ARHGEF10: variants seen among roughly 807,000 people sequenced by gnomAD.
ARHGEF10 encodes the protein Rho guanine nucleotide exchange factor 10, also known as Rho guanine nucleotide exchange factor (GEF) 10.
Under a neutral mutation model 147.4 loss-of-function variants are expected in ARHGEF10, and 140 were observed. The observed-to-expected ratio is 0.95, with a 90% CI of 0.83 to 1.09. The LOEUF is 1.09. ARHGEF10 is among the 50% of genes least tolerant of loss of function. ARHGEF10 has a pLI of 0.00. For synonymous variants in ARHGEF10, 902 were observed against 695.8 expected, an observed-to-expected ratio of 1.30 and a Z score of -4.67; for missense variants, 2,222 against 1,752.7, an observed-to-expected ratio of 1.27 and a Z score of -4.78.
chr8:1,893,781 C>G (rs866998037), intron 12 of ARHGEF10, 135 bp downstream of exon 12: 10 of 689,302 alleles, frequency 1.5e-5, no homozygotes, highest in Non-Finnish European at 2.1e-5. Context: ...TCAAAAGGAT[C>G]TAAGTATTAT....
Position 1,909,297 on chromosome 8 carries a change from CCT to C in ARHGEF10, c.1974_1975del (p.His659Ter). The C allele has an allele frequency of 6.2e-7, 1 of 1,614,222 alleles. No individual in the cohort carries two copies. Among genetic ancestry groups the C allele is most frequent in the Non-Finnish European group, 8.5e-7 (1 of 1,180,042 alleles). On this transcript the variant is annotated frameshift_variant, in exon 18 of 29. Coordinates refer to ENST00000349830, the MANE Select transcript of ARHGEF10 (RefSeq NM_014629.4). LOFTEE classifies it high-confidence loss of function. ...CAAGGATCTTTTGGTCGTTTCAGCC[CCT>C]CTCATGACAGCCGTGTGATGAGCAG...
At chr8:1,865,892 G>C (rs11986360) in intron 5 of ARHGEF10, among the ~76,000 whole-genome samples, 76,638 of 152,068 alleles carry the variant, frequency 0.5, 19,424 homozygotes, top group East Asian at 0.63. Flanking sequence ...CTGATCCCTG[G>C]TGCATCTCAT....
intron 1 of ARHGEF10, among the ~76,000 whole-genome samples, chr8:1,830,425 A>G (rs1014073851): frequency 1.3e-5 from 2 of 152,186 alleles, no homozygotes; most frequent in African/African-American, 4.8e-5. Flanking sequence ...CTGTTGGCTT[A>G]GGTTTAGTGC....
At chr8:1,845,426 A>G (rs1762658156) in intron 2 of ARHGEF10, among the ~76,000 whole-genome samples, 2 of 152,170 alleles carry the variant, frequency 1.3e-5, no homozygotes, top group Non-Finnish European at 2.9e-5. Flanking sequence ...TCCCACACAC[A>G]TGTAAGATGG....
chr8:1,919,134 G>T (rs576173945), intron 18 of ARHGEF10, among the ~76,000 whole-genome samples: 1 of 148,134 alleles, frequency 6.8e-6, no homozygotes, highest in East Asian at 2.1e-4. Flanking sequence ...TGATGGAGCT[G>T]TTCCATGGGT....
intron 1 of ARHGEF10, among the ~76,000 whole-genome samples, chr8:1,829,021 G>T (rs1802930541): frequency 6.6e-6 from 1 of 152,244 alleles, no homozygotes. Flanking sequence ...GTATCTGAGC[G>T]GACACGGACG....
intron 4 of ARHGEF10, among the ~76,000 whole-genome samples, chr8:1,862,813 C>T (rs1230712966): frequency 1.5e-5 from 2 of 137,712 alleles, no homozygotes; most frequent in Non-Finnish European, 3.0e-5. Flanking sequence ...GAGTCTCGCT[C>T]TGTCGCTCAG....
At chr8:1,884,910 G>C (rs1442078765) in intron 10 of ARHGEF10, among the ~76,000 whole-genome samples, 1 of 152,114 alleles carries the variant, frequency 6.6e-6, no homozygotes, top group Non-Finnish European at 1.5e-5. Context: ...GAGTACAGGT[G>C]CTCACAACCA....
chr8:1,863,261 C>T (rs566520104), intron 4 of ARHGEF10, among the ~76,000 whole-genome samples: 1 of 152,284 alleles, frequency 6.6e-6, no homozygotes, highest in South Asian at 2.1e-4. Flanking sequence ...CCCGCAGATC[C>T]ACCCCCCCAG....
At chr8:1,932,734 A>C (rs1356916488) in intron 25 of ARHGEF10, among the ~76,000 whole-genome samples, 1 of 152,260 alleles carries the variant, frequency 6.6e-6, no homozygotes, top group Non-Finnish European at 1.5e-5. Context: ...CAGAGCTTGC[A>C]TAGTTGCCTT....
rs555657869 is a variant in ARHGEF10 at position 1,863,479 on chromosome 8, A to T, written c.482-894A>T. 2.6e-5 allele frequency among the ~76,000 whole-genome samples: 4 copies of T among 152,330 alleles called. No homozygotes were observed. In the East Asian group the frequency reaches 7.7e-4, roughly 29 times the overall value. On this transcript the variant is annotated intron_variant, in intron 4 of 28. Coordinates refer to ENST00000349830, the MANE Select transcript of ARHGEF10 (RefSeq NM_014629.4). ...ATAAATTCCCTTTAGAAAGTGTTTCATGGACAGCTGCCAGTGTGGCGATGA... is the reference window on the plus strand; with the variant it reads ...ATAAATTCCCTTTAGAAAGTGTTTCTTGGACAGCTGCCAGTGTGGCGATGA...
intron 26 of ARHGEF10, among the ~76,000 whole-genome samples, chr8:1,936,049 T>C (rs1359437583): frequency 1.3e-5 from 2 of 152,228 alleles, no homozygotes; most frequent in Non-Finnish European, 2.9e-5. Flanking sequence ...GGCTACATAC[T>C]TCCCCTCACA....
intron 1 of ARHGEF10, among the ~76,000 whole-genome samples, chr8:1,840,892 C>T (rs1473915382): frequency 3.3e-5 from 5 of 152,182 alleles, no homozygotes; most frequent in Non-Finnish European, 5.9e-5. Context: ...GGGCCCCTAC[C>T]GCCTCACGGG....
chr8:1,940,692 C>G (rs575832327), intron 26 of ARHGEF10, among the ~76,000 whole-genome samples: 1 of 152,308 alleles, frequency 6.6e-6, no homozygotes, highest in South Asian at 2.1e-4. Flanking sequence ...AGACCGGTAT[C>G]CACTGTGAGC....
At chr8:1,872,627 A>G (rs563778233) in intron 7 of ARHGEF10, among the ~76,000 whole-genome samples, 16 of 152,222 alleles carry the variant, frequency 1.1e-4, no homozygotes, top group Non-Finnish European at 1.3e-4. Flanking sequence ...CCATATGCTT[A>G]TCTCAGCATG....
At chr8:1,896,578 A>C (rs1809993397) in intron 14 of ARHGEF10, 129 bp downstream of exon 14, 1 of 742,048 alleles carries the variant, frequency 1.3e-6, no homozygotes, top group Admixed American at 2.3e-5. Context: ...ATATTGGATT[A>C]ATGCTAGAAA....
rs1400713258 is a variant in ARHGEF10 at position 1,888,316 on chromosome 8, CTGAGTGGGATGTTGACTGT to C, written c.1182+2610_1182+2628del. Among the ~76,000 whole-genome samples, 408 of 70,622 alleles carry C rather than the reference CTGAGTGGGATGTTGACTGT, an allele frequency of 5.8e-3. 13 individuals are homozygous for C. Among genetic ancestry groups the C allele is most frequent in the East Asian group, 0.02 (42 of 2,118 alleles). The allele number at this position is 70,622 out of a possible 152,430, so 46.3% of individuals were successfully genotyped here. On this transcript the variant is annotated intron_variant, in intron 11 of 28. Transcript: ENST00000349830. ...TGGGGTGAGGGTTTGTGAGGATATG[CTGAGTGGGATGTTGACTGT>C]GAGGAGACACTGAGTGGGGTGAGGG...
At chr8:1,888,731 GGTTTGTGAGGAGACACTGAA>G (rs1809045332) in intron 11 of ARHGEF10, among the ~76,000 whole-genome samples, 4 of 59,772 alleles carry the variant, frequency 6.7e-5, no homozygotes, top group African/African-American at 4.2e-4. Context: ...AATAGGGTGA[GGTTTGTGAGGAGACACTGAA>G]TAGGGTGAGG....
chr8:1,886,619 G>C (rs540866069), intron 11 of ARHGEF10, among the ~76,000 whole-genome samples: 42 of 152,362 alleles, frequency 2.8e-4, no homozygotes, highest in Middle Eastern at 3.4e-3. Flanking sequence ...TGACGGGATG[G>C]AGTGTCAACA....
Sources: allele counts gnomAD v4.1 joint callset (sites outside exome capture counted in the v4.1 genomes callset), GRCh38; gene constraint gnomAD v4.1.1; transcripts MANE v1.5; gene names NCBI Gene and HGNC (gene_info 2026-07-23, HGNC 2026-07-21).